The following LINGO2 variants were observed in gnomAD, a reference collection of about 807,000 sequenced individuals.
The protein encoded by LINGO2 is leucine-rich repeat and immunoglobulin-like domain-containing nogo receptor-interacting protein 2.
Under a neutral mutation model 30.6 loss-of-function variants are expected in LINGO2, and 14 were observed. That is an observed-to-expected ratio of 0.46 (90% CI 0.30 to 0.72). LINGO2 has a LOEUF of 0.72. Among genes scored for constraint, LINGO2 ranks in the 30% least tolerant of loss-of-function variants. The probability of loss-of-function intolerance (pLI) is 0.07; values close to 1 mark genes in which losing one functional copy is unlikely to be tolerated. For missense variants in LINGO2, 729 were observed against 751.7 expected, an observed-to-expected ratio of 0.97 and a Z score of 0.35; for synonymous variants, 317 against 288.5, an observed-to-expected ratio of 1.10 and a Z score of -1.00.
intron 5 of LINGO2, among the ~76,000 whole-genome samples, chr9:28,011,708 T>G (rs1358065369): frequency 6.6e-6 from 1 of 152,186 alleles, no homozygotes; most frequent in Non-Finnish European, 1.5e-5. Flanking sequence ...CTCTGTGCAT[T>G]TTCATCTTAC....
At chr9:28,893,903 G>C in the LINGO2 span, among the ~76,000 whole-genome samples, 168 of 132,606 alleles carry the variant, frequency 1.3e-3, no homozygotes, top group African/African-American at 4.5e-3. Flanking sequence ...CCTCCCCCCT[G>C]CCCCCACCCC....
At chr9:28,914,342 T>C in the LINGO2 span, among the ~76,000 whole-genome samples, 1 of 152,204 alleles carries the variant, frequency 6.6e-6, no homozygotes, top group Non-Finnish European at 1.5e-5. Flanking sequence ...GAATTTAAAG[T>C]AAGGTTATGG....
chr9:28,600,807 T>G (rs1272255632), intron 1 of LINGO2, among the ~76,000 whole-genome samples: 1 of 152,066 alleles, frequency 6.6e-6, no homozygotes, highest in African/African-American at 2.4e-5. Context: ...TTAACTAATT[T>G]ACAGATTCTT....
At chr9:28,263,700 C>T (rs1203014395) in intron 4 of LINGO2, among the ~76,000 whole-genome samples, 1 of 151,898 alleles carries the variant, frequency 6.6e-6, no homozygotes, top group East Asian at 1.9e-4. Flanking sequence ...GCCATGTGAC[C>T]ACAGCTGCTT....
intron 4 of LINGO2, among the ~76,000 whole-genome samples, chr9:28,141,977 G>GA (rs1827685062): frequency 6.6e-6 from 1 of 152,082 alleles, no homozygotes; most frequent in African/African-American, 2.4e-5. Context: ...AACATAACGG[G>GA]AAAAATGCAT....
At chr9:28,184,326 C>T (rs1819464417) in intron 4 of LINGO2, among the ~76,000 whole-genome samples, 1 of 152,128 alleles carries the variant, frequency 6.6e-6, no homozygotes, top group Admixed American at 6.6e-5. Flanking sequence ...CTCTTAAGTA[C>T]CTTGCTAGAG....
At chr9:28,598,427 A>C (rs546712888) in intron 1 of LINGO2, among the ~76,000 whole-genome samples, 1,461 of 128,726 alleles carry the variant, frequency 0.011, 33 homozygotes, top group African/African-American at 0.039. Flanking sequence ...TCAAAAAAAA[A>C]AAAAAAACAA....
intron 3 of LINGO2, among the ~76,000 whole-genome samples, chr9:28,339,095 T>C (rs1024177983): frequency 6.6e-6 from 1 of 152,072 alleles, no homozygotes; most frequent in Admixed American, 6.5e-5. Flanking sequence ...TAAAATCTAA[T>C]GAGATTCTAT....
At chr9:28,501,656 A>G (rs544570317) in intron 1 of LINGO2, among the ~76,000 whole-genome samples, 1 of 152,214 alleles carries the variant, frequency 6.6e-6, no homozygotes, top group African/African-American at 2.4e-5. Flanking sequence ...CTGTCTACCT[A>G]TGTTCTGTTT....
chr9:28,159,491 G>T (rs1203983827), intron 4 of LINGO2, among the ~76,000 whole-genome samples: 2 of 151,472 alleles, frequency 1.3e-5, no homozygotes, highest in Non-Finnish European at 2.9e-5. Context: ...TATATTTGTG[G>T]AGTACAATAT....
chr9:28,039,377 A>T (rs1242355897), intron 4 of LINGO2, among the ~76,000 whole-genome samples: 4 of 152,176 alleles, frequency 2.6e-5, no homozygotes, highest in African/African-American at 9.7e-5. Context: ...ATTTGGGCAA[A>T]ATTTAAGAGA....
At chr9:28,177,673 A>G (rs1282589049) in intron 4 of LINGO2, among the ~76,000 whole-genome samples, 1 of 152,222 alleles carries the variant, frequency 6.6e-6, no homozygotes, top group Non-Finnish European at 1.5e-5. Flanking sequence ...AAAAAGGAGC[A>G]ACAAATAAAT....
At chr9:29,079,565 T>C in the LINGO2 span, among the ~76,000 whole-genome samples, 1 of 152,026 alleles carries the variant, frequency 6.6e-6, no homozygotes, top group Non-Finnish European at 1.5e-5. Flanking sequence ...ATATCATATA[T>C]TCTGTTCTAA....
chr9:28,421,158 G>A (rs1183539258), intron 2 of LINGO2, among the ~76,000 whole-genome samples: 1 of 151,624 alleles, frequency 6.6e-6, no homozygotes, highest in East Asian at 1.9e-4. Context: ...AGTTGCATTT[G>A]TATACACTAA....
chr9:28,176,863 TACTC>T (rs1828764539), intron 4 of LINGO2, among the ~76,000 whole-genome samples: 1 of 152,196 alleles, frequency 6.6e-6, no homozygotes, highest in African/African-American at 2.4e-5. Flanking sequence ...CTCATACTGT[TACTC>T]AATCATTTAA....
intron 3 of LINGO2, among the ~76,000 whole-genome samples, chr9:28,301,798 G>C (rs1332625066): frequency 6.6e-6 from 1 of 152,062 alleles, no homozygotes; most frequent in Non-Finnish European, 1.5e-5. Context: ...AGGTCTAAAT[G>C]AAATACAGAA....
intron 3 of LINGO2, among the ~76,000 whole-genome samples, chr9:28,346,759 T>C (rs1228148225): frequency 1.3e-5 from 2 of 151,930 alleles, no homozygotes; most frequent in Non-Finnish European, 2.9e-5. Flanking sequence ...ATTATGATTT[T>C]GATTTGCATT....
intron 4 of LINGO2, among the ~76,000 whole-genome samples, chr9:28,231,488 G>A (rs1036699833): frequency 6.6e-6 from 1 of 151,976 alleles, no homozygotes; most frequent in Non-Finnish European, 1.5e-5. Flanking sequence ...AAGGAAGTAT[G>A]AAAATCTAGA....
intron 4 of LINGO2, chr9:28,080,876 G>C (rs1825753875): frequency 6.6e-6 from 1 of 152,180 alleles, no homozygotes; most frequent in South Asian, 2.1e-4. Flanking sequence ...ATGGGAGGAG[G>C]CCATGAAGAG....
Sources: allele counts gnomAD v4.1 joint callset (sites outside exome capture counted in the v4.1 genomes callset), GRCh38; gene constraint gnomAD v4.1.1; transcripts MANE v1.5; gene names NCBI Gene and HGNC (gene_info 2026-07-23, HGNC 2026-07-21).